The following CNTN6 variants were observed in gnomAD, a reference collection of about 807,000 sequenced individuals.
CNTN6 encodes contactin-6.
A neutral mutation model predicts 122.8 loss-of-function variants in CNTN6; 137 were observed. The ratio of observed to expected loss-of-function variants is 1.12; its 90% CI spans 0.97 to 1.29. The LOEUF is 1.29. Among genes scored for constraint, CNTN6 ranks in the 50% most tolerant of loss-of-function variants. The pLI, the probability that CNTN6 is intolerant of heterozygous loss-of-function variation, is 0.00. For missense variants in CNTN6, 1,634 were observed against 1,223.4 expected (o/e 1.34, Z -5.01); for synonymous variants, 570 against 426.0 (o/e 1.34, Z -4.16).
intron 12 of CNTN6, among the ~76,000 whole-genome samples, chr3:1,369,967 A>G (rs1164689276): frequency 6.6e-6 from 1 of 152,046 alleles, no homozygotes; most frequent in African/African-American, 2.4e-5. Context: ...AAACAATACA[A>G]GCTTTTTAAA....
chr3:1,258,623 T>G (rs1291938482), intron 4 of CNTN6, among the ~76,000 whole-genome samples: 1 of 152,072 alleles, frequency 6.6e-6, no homozygotes, highest in African/African-American at 2.4e-5. Context: ...GAAGTTTCAG[T>G]GTCTGGGCAT....
intron 4 of CNTN6, among the ~76,000 whole-genome samples, chr3:1,275,688 G>C (rs1304498414): frequency 1.3e-5 from 2 of 152,156 alleles, no homozygotes; most frequent in Non-Finnish European, 2.9e-5. Flanking sequence ...GGGAGACAGT[G>C]ACAGATCATC....
At chr3:1,136,908 T>C (rs2092489350) in intron 1 of CNTN6, among the ~76,000 whole-genome samples, 1 of 152,186 alleles carries the variant, frequency 6.6e-6, no homozygotes, top group Non-Finnish European at 1.5e-5. Flanking sequence ...AAGCAATAAT[T>C]GTATACCTCT....
intron 7 of CNTN6, among the ~76,000 whole-genome samples, chr3:1,304,242 A>G (rs1388733846): frequency 6.6e-6 from 1 of 152,074 alleles, no homozygotes; most frequent in Non-Finnish European, 1.5e-5. Context: ...CTCTTTCAGG[A>G]TCATACTTTT....
intron 2 of CNTN6, among the ~76,000 whole-genome samples, chr3:1,155,801 A>G (rs1305850654): frequency 6.6e-6 from 1 of 151,976 alleles, no homozygotes; most frequent in Non-Finnish European, 1.5e-5. Context: ...CTCTCCCCCC[A>G]AGACATTTGT....
intron 2 of CNTN6, among the ~76,000 whole-genome samples, chr3:1,163,724 T>C (rs966369272): frequency 2.6e-5 from 4 of 152,210 alleles, no homozygotes; most frequent in Non-Finnish European, 5.9e-5. Flanking sequence ...GCAAAGCTCA[T>C]TGATTAGTCT....
At position 1,373,682 on chromosome 3, in the gene CNTN6, C is replaced by T; in HGVS notation, c.1865C>T (p.Pro622Leu). 2 of 1,612,980 alleles carry T rather than the reference C, an allele frequency of 1.2e-6. No homozygotes were observed. Among genetic ancestry groups the T allele is most frequent in the Non-Finnish European group, 1.7e-6 (2 of 1,179,312 alleles). ...TTSQLSWRAG[P>L]DNNSPIQIFT... ...TCTCAACTAAGTTGGAGAGCAGGCCCAGATAATAACAGTCCCATTCAAATA... is the reference window on the plus strand; with the variant it reads ...TCTCAACTAAGTTGGAGAGCAGGCCTAGATAATAACAGTCCCATTCAAATA... The change falls in exon 15 of 23, where the codon CCA becomes CTA. Residue 622 changes from proline to leucine, a missense_variant. Transcript: ENST00000446702.
chr3:1,160,823 C>T (rs1463150812), intron 2 of CNTN6, among the ~76,000 whole-genome samples: 1 of 151,960 alleles, frequency 6.6e-6, no homozygotes, highest in Non-Finnish European at 1.5e-5. Flanking sequence ...CGTAGCAGCT[C>T]ATGAAAGCTG....
intron 5 of CNTN6, among the ~76,000 whole-genome samples, chr3:1,292,735 A>T (rs1389964632): frequency 6.6e-6 from 1 of 152,126 alleles, no homozygotes; most frequent in African/African-American, 2.4e-5. Flanking sequence ...TATCCTGTTG[A>T]TTCTTTCTTC....
intron 11 of CNTN6, among the ~76,000 whole-genome samples, chr3:1,335,464 T>G (rs779338674): frequency 6.6e-6 from 1 of 152,136 alleles, no homozygotes; most frequent in Non-Finnish European, 1.5e-5. Context: ...GTGGATCTAC[T>G]TAGCAAGTGA....
intron 1 of CNTN6, among the ~76,000 whole-genome samples, chr3:1,119,645 C>G (rs1384842331): frequency 6.7e-6 from 1 of 149,520 alleles, no homozygotes; most frequent in Non-Finnish European, 1.5e-5. Flanking sequence ...TGGCTTTTTC[C>G]TCATTTTTCT....
chr3:1,142,966 G>GTGTATATATATATATATA (rs1559388845), intron 1 of CNTN6, among the ~76,000 whole-genome samples: 2 of 96,614 alleles, frequency 2.1e-5, no homozygotes, highest in Non-Finnish European at 4.1e-5. Context: ...GTGTGTGTGT[G>GTGTATATATATATATATA]TGTATATATA....
At chr3:1,179,584 C>T (rs544469628) in intron 2 of CNTN6, among the ~76,000 whole-genome samples, 1 of 152,272 alleles carries the variant, frequency 6.6e-6, no homozygotes, top group East Asian at 1.9e-4. Flanking sequence ...TTATCTCTAG[C>T]TGCAATGGCT....
intron 11 of CNTN6, among the ~76,000 whole-genome samples, chr3:1,343,566 C>G (rs1402321840): frequency 6.6e-6 from 1 of 152,014 alleles, no homozygotes; most frequent in African/African-American, 2.4e-5. Flanking sequence ...GCTCTAGAAA[C>G]AAAAGGCTGA....
intron 1 of CNTN6, among the ~76,000 whole-genome samples, chr3:1,135,147 G>C (rs1348601921): frequency 6.6e-6 from 1 of 152,320 alleles, no homozygotes; most frequent in East Asian, 1.9e-4. Flanking sequence ...TTAAGATACT[G>C]AGATGAAATA....
intron 2 of CNTN6, among the ~76,000 whole-genome samples, chr3:1,173,604 G>A (rs1352128163): frequency 1.3e-5 from 2 of 152,110 alleles, no homozygotes; most frequent in Non-Finnish European, 1.5e-5. Context: ...ACCTCCCTGT[G>A]AGCTTCTGTT....
chr3:1,302,109 C>T (rs1047345156), intron 7 of CNTN6, among the ~76,000 whole-genome samples: 2 of 152,048 alleles, frequency 1.3e-5, no homozygotes, highest in African/African-American at 2.4e-5. Flanking sequence ...AAAAGTCAAA[C>T]GTCTTATCTT....
intron 2 of CNTN6, among the ~76,000 whole-genome samples, chr3:1,203,746 T>C (rs1350561612): frequency 6.6e-6 from 1 of 151,244 alleles, no homozygotes; most frequent in Non-Finnish European, 1.5e-5. Flanking sequence ...TGTTTGCCAT[T>C]CCAGATTTTT....
intron 4 of CNTN6, among the ~76,000 whole-genome samples, chr3:1,268,610 A>G: frequency 6.7e-6 from 1 of 149,394 alleles, no homozygotes; most frequent in South Asian, 2.1e-4. Flanking sequence ...CCGTCTCAAA[A>G]AAAAAAAAAA....
Sources: allele counts gnomAD v4.1 joint callset (sites outside exome capture counted in the v4.1 genomes callset), GRCh38; gene constraint gnomAD v4.1.1; transcripts MANE v1.5; gene names NCBI Gene and HGNC (gene_info 2026-07-23, HGNC 2026-07-21).